MFHAS1: variants seen among roughly 807,000 people sequenced by gnomAD.
MFHAS1 encodes malignant fibrous histiocytoma-amplified sequence 1.
A neutral mutation model predicts 70.4 loss-of-function variants in MFHAS1; 50 were observed. That is an observed-to-expected ratio of 0.71 (90% CI 0.57 to 0.90). The LOEUF is 0.90. Ranked by LOEUF, MFHAS1 falls within the 40% of genes least tolerant of loss-of-function variation. MFHAS1 has a pLI of 0.00. For missense variants in MFHAS1, 1,795 were observed against 1,347.6 expected (o/e 1.33, Z -5.20); for synonymous variants, 952 against 620.0 (o/e 1.54, Z -7.96).
At chr8:8,832,543 C>A (rs1011580050) in intron 1 of MFHAS1, among the ~76,000 whole-genome samples, 2 of 151,070 alleles carry the variant, frequency 1.3e-5, no homozygotes, top group South Asian at 4.2e-4. Context: ...CGAAGATACA[C>A]AACATAACCA....
intron 1 of MFHAS1, among the ~76,000 whole-genome samples, chr8:8,835,505 T>C (rs1183178061): frequency 1.3e-5 from 2 of 152,284 alleles, no homozygotes; most frequent in African/African-American, 2.4e-5. Flanking sequence ...ATTCCCTCAT[T>C]TTCCTCACGA....
At chr8:8,826,430 A>G (rs553572126) in intron 1 of MFHAS1, among the ~76,000 whole-genome samples, 19 of 152,270 alleles carry the variant, frequency 1.2e-4, no homozygotes, top group African/African-American at 4.1e-4. Context: ...GTTCTAGCCA[A>G]TGAAATGTAA....
At chr8:8,850,363 G>T (rs563665137) in intron 1 of MFHAS1, among the ~76,000 whole-genome samples, 2 of 152,258 alleles carry the variant, frequency 1.3e-5, no homozygotes, top group South Asian at 4.1e-4. Flanking sequence ...TACCCAATCT[G>T]AAAAAACTTC....
intron 1 of MFHAS1, among the ~76,000 whole-genome samples, chr8:8,844,608 C>A (rs982340523): frequency 6.6e-6 from 1 of 152,204 alleles, no homozygotes; most frequent in African/African-American, 2.4e-5. Context: ...ACGGGAAGCT[C>A]CGCAAGGTCA....
intron 1 of MFHAS1, among the ~76,000 whole-genome samples, chr8:8,806,782 G>C (rs936166863): frequency 6.6e-6 from 1 of 152,078 alleles, no homozygotes; most frequent in Non-Finnish European, 1.5e-5. Context: ...CCAACATGTT[G>C]AAACCCCATC....
Position 8,891,459 on chromosome 8 carries a change from T to C in MFHAS1, c.1600A>G (p.Ile534Val), listed in dbSNP as rs1194072731. 4.3e-6 allele frequency: 7 copies of C among 1,612,992 alleles called. No homozygotes were observed. The highest frequency in any genetic ancestry group is 5.9e-6 in the Non-Finnish European group (7 of 1,180,028). ...CACAGGTCTGCGTGGGTGCCCACGA[T>C]GCACACCACCGCGTGGGGCACTCTC... is the stretch of plus-strand genomic sequence containing the variant. ...GARVPHAVVCIVGTHADLCGE... is the reference protein window; with the variant it reads ...GARVPHAVVCVVGTHADLCGE... The change falls in exon 1 of 3, where the codon ATC (isoleucine) becomes GTC (valine). Residue 534 changes from isoleucine (I) to valine (V), a missense_variant. Ile to Val is a conservative substitution (Grantham distance 29). Coordinates refer to ENST00000276282, the MANE Select transcript of MFHAS1 (RefSeq NM_004225.3). This position sits in a 1 kb window ranked among gnomAD's most constrained non-coding sequence, Gnocchi z 5.4.
intron 1 of MFHAS1, among the ~76,000 whole-genome samples, chr8:8,840,529 T>C (rs953295229): frequency 2.0e-5 from 3 of 151,676 alleles, no homozygotes; most frequent in African/African-American, 7.3e-5. Flanking sequence ...TCTCAAGGAC[T>C]TGGCAGCCAT....
intron 1 of MFHAS1, among the ~76,000 whole-genome samples, chr8:8,820,068 T>C (rs965924187): frequency 6.6e-6 from 1 of 152,194 alleles, no homozygotes; most frequent in African/African-American, 2.4e-5. Context: ...TTTGTTCTGA[T>C]TTTTCCCCCA....
intron 1 of MFHAS1, among the ~76,000 whole-genome samples, chr8:8,819,805 C>T (rs1806886902): frequency 6.6e-6 from 1 of 151,988 alleles, no homozygotes; most frequent in African/African-American, 2.4e-5. Flanking sequence ...CTCAAGCAAT[C>T]CTTCTGCCTC....
intron 1 of MFHAS1, among the ~76,000 whole-genome samples, chr8:8,881,067 T>C (rs1809504013): frequency 6.6e-6 from 1 of 152,212 alleles, no homozygotes; most frequent in Admixed American, 6.5e-5. Flanking sequence ...TGCCTCTGTC[T>C]TCCTCTGCCC....
chr8:8,881,516 C>T (rs769697183), intron 1 of MFHAS1, among the ~76,000 whole-genome samples: 4 of 152,182 alleles, frequency 2.6e-5, no homozygotes, highest in Admixed American at 6.5e-5. Flanking sequence ...TCAGACCTCA[C>T]GCTCCTCACC....
intron 1 of MFHAS1, among the ~76,000 whole-genome samples, chr8:8,888,638 A>G (rs1373038061): frequency 6.6e-6 from 1 of 152,232 alleles, no homozygotes; most frequent in Non-Finnish European, 1.5e-5. Context: ...AAAGAAAAAA[A>G]TCCCATATAA....
chr8:8,803,570 T>C (rs534382741), intron 1 of MFHAS1, among the ~76,000 whole-genome samples: 1 of 147,320 alleles, frequency 6.8e-6, no homozygotes, highest in South Asian at 2.3e-4. Context: ...GTACTGAACA[T>C]GTATAGACCT....
At chr8:8,798,734 T>A (rs1805987396) in intron 1 of MFHAS1, among the ~76,000 whole-genome samples, 1 of 152,118 alleles carries the variant, frequency 6.6e-6, no homozygotes. Flanking sequence ...CACCAACCAC[T>A]TCTACTGCTG....
chr8:8,850,420 G>A (rs1437766573), intron 1 of MFHAS1, among the ~76,000 whole-genome samples: 2 of 152,134 alleles, frequency 1.3e-5, no homozygotes, highest in Non-Finnish European at 2.9e-5. Context: ...CCTAGCAAAC[G>A]ACAGAATTTT....
chr8:8,866,913 G>A (rs557606659), intron 1 of MFHAS1, among the ~76,000 whole-genome samples: 1 of 152,242 alleles, frequency 6.6e-6, no homozygotes, highest in South Asian at 2.1e-4. Context: ...GCCTTCTTTA[G>A]AGAATGGGGA....
intron 2 of MFHAS1, 27 bp downstream of exon 2, chr8:8,797,338 G>A (rs199947983): frequency 7.0e-5 from 113 of 1,610,354 alleles, no homozygotes; most frequent in South Asian, 2.3e-4. Flanking sequence ...GCCAGGTCCC[G>A]GGGCCAGAGG....
chr8:8,890,592 G>C lies in MFHAS1; in HGVS notation c.2467C>G (p.Leu823Val). The C allele has an allele frequency of 1.2e-6, 2 of 1,613,814 alleles. No homozygotes were observed. Among genetic ancestry groups the C allele is most frequent in the Non-Finnish European group, 1.7e-6 (2 of 1,180,020 alleles). The stretch of plus-strand genomic sequence containing the variant: ...TAACAGAGTCCCATCTTCTCCAGCA[G>C]CTCCAGCAACAGCTGCAAGTCCTGC... ...AQQDLQLLLE[L>V]LEKMGLCYCL... Residue 823 changes from leucine to valine, a missense_variant, in exon 1 of 3, where the codon CTG becomes GTG. Leu to Val is a conservative substitution (Grantham distance 32). Coordinates refer to ENST00000276282, the MANE Select transcript of MFHAS1 (RefSeq NM_004225.3).
At chr8:8,875,565 G>A (rs932296728) in intron 1 of MFHAS1, among the ~76,000 whole-genome samples, 41 of 152,118 alleles carry the variant, frequency 2.7e-4, no homozygotes, top group African/African-American at 9.4e-4. Context: ...TACCCACCAT[G>A]AGAAACTTTT....
Sources: allele counts gnomAD v4.1 joint callset (sites outside exome capture counted in the v4.1 genomes callset), GRCh38; gene constraint gnomAD v4.1.1; non-coding constraint Gnocchi (gnomAD v3.1); transcripts MANE v1.5; gene names NCBI Gene and HGNC (gene_info 2026-07-23, HGNC 2026-07-21).